Variants in TEKT1 observed in about 807,000 individuals in gnomAD.
TEKT1 encodes tektin 1.
In TEKT1, 32 loss-of-function variants were observed where a neutral mutation model predicts 34.8. That is an observed-to-expected ratio of 0.92 (90% CI 0.69 to 1.23). The LOEUF is 1.23. Ranked by LOEUF, TEKT1 falls within the 50% of genes most tolerant of loss-of-function variation. TEKT1 has a pLI of 0.00. For missense variants in TEKT1, 492 were observed against 518.5 expected (o/e 0.95, Z 0.50); for synonymous variants, 207 against 199.8 (o/e 1.04, Z -0.30).
intron 6 of TEKT1, among the ~76,000 whole-genome samples, chr17:6,804,851 G>A (rs1976823619): frequency 6.6e-6 from 1 of 152,156 alleles, no homozygotes. Flanking sequence ...TGTGCTGCTG[G>A]ATTCAGTTTG....
intron 1 of TEKT1, among the ~76,000 whole-genome samples, chr17:6,830,689 T>C (rs886971318): frequency 3.3e-5 from 5 of 152,174 alleles, no homozygotes; most frequent in Non-Finnish European, 7.3e-5. Context: ...ACAGTATGTA[T>C]TATTCTGTCT....
At chr17:6,804,789 C>G (rs2151582268) in intron 6 of TEKT1, among the ~76,000 whole-genome samples, 1 of 152,294 alleles carries the variant, frequency 6.6e-6, no homozygotes, top group African/African-American at 2.4e-5. Flanking sequence ...GTTGAACCAG[C>G]CTTGCATCCC....
chr17:6,829,517 T>C (rs1291831300), intron 2 of TEKT1, among the ~76,000 whole-genome samples: 1 of 62,390 alleles, frequency 1.6e-5, no homozygotes, highest in Non-Finnish European at 3.4e-5. Flanking sequence ...TTTTCTTTCT[T>C]TTTTTTTTTT....
At chr17:6,821,579 C>T (rs1226567776) in intron 2 of TEKT1, among the ~76,000 whole-genome samples, 1 of 152,158 alleles carries the variant, frequency 6.6e-6, no homozygotes, top group Non-Finnish European at 1.5e-5. Context: ...AAGTGAGGCA[C>T]TGCTATAAAG....
chr17:6,813,978 C>CTT (rs56277952), intron 5 of TEKT1, among the ~76,000 whole-genome samples: 1 of 151,278 alleles, frequency 6.6e-6, no homozygotes. Flanking sequence ...CTCTCTCTCT[C>CTT]GGATCACTCA....
intron 2 of TEKT1, among the ~76,000 whole-genome samples, chr17:6,828,187 G>A (rs1020650143): frequency 7.9e-5 from 12 of 152,158 alleles, no homozygotes; most frequent in East Asian, 5.8e-4. Context: ...CTTGTGATCC[G>A]CCCACGTTGG....
chr17:6,828,448 C>A (rs1347281442), intron 2 of TEKT1, among the ~76,000 whole-genome samples: 1 of 152,194 alleles, frequency 6.6e-6, no homozygotes, highest in Non-Finnish European at 1.5e-5. Context: ...TCAGCTGGCC[C>A]AGTGTTATAA....
In TEKT1 at chr17:6,815,939, A is replaced by G. The variant is rs1359990054; in HGVS notation, c.380T>C (p.Leu127Pro). The G allele has an allele frequency of 6.2e-7, 1 of 1,614,134 alleles. No homozygotes were observed. The highest frequency in any genetic ancestry group is 1.1e-5 in the South Asian group (1 of 91,076). The change falls in exon 4 of 8, where the codon CTG becomes CCG. Residue 127 changes from leucine (L) to proline (P), a missense_variant. By Grantham distance (98) the Leu-to-Pro change is moderately conservative. Transcript: ENST00000338694. ...AYREKRIGID[L>P]VHDTVEHELI... ...CTCATGCTCCACTGTGTCGTGCACC[A>G]GGTCAATGCCAATGCGCTTCTCCCT...
intron 6 of TEKT1, among the ~76,000 whole-genome samples, chr17:6,808,244 G>A (rs774822989): frequency 7.9e-5 from 12 of 152,210 alleles, no homozygotes; most frequent in African/African-American, 2.2e-4. Context: ...GCGAGGCTCC[G>A]TGGGTGTAGG....
Position 6,815,933 on chromosome 17 carries a change from T to C in TEKT1, c.386A>G (p.His129Arg). The C allele has an allele frequency of 6.2e-7, 1 of 1,614,150 alleles. No homozygotes were observed. The highest frequency in any genetic ancestry group is 1.1e-5 in the South Asian group (1 of 91,086). The change falls in exon 4 of 8, where the codon CAC becomes CGC. Residue 129 changes from histidine (H) to arginine (R), a missense_variant. Transcript: ENST00000338694. ...TATCAGCTCATGCTCCACTGTGTCGTGCACCAGGTCAATGCCAATGCGCTT... is the reference window on the plus strand; with the variant it reads ...TATCAGCTCATGCTCCACTGTGTCGCGCACCAGGTCAATGCCAATGCGCTT... ...REKRIGIDLV[H>R]DTVEHELIKE...
chr17:6,809,423 G>T (rs983540494), intron 6 of TEKT1, among the ~76,000 whole-genome samples: 1 of 152,024 alleles, frequency 6.6e-6, no homozygotes, highest in Non-Finnish European at 1.5e-5. Context: ...GTAGAGACAG[G>T]GTTTCGCTGT....
intron 6 of TEKT1, among the ~76,000 whole-genome samples, chr17:6,808,839 C>A (rs1976886526): frequency 6.6e-6 from 1 of 152,022 alleles, no homozygotes; most frequent in Non-Finnish European, 1.5e-5. Flanking sequence ...TTTACAAATA[C>A]CTTAACCATC....
At chr17:6,808,758 A>T (rs1195709470) in intron 6 of TEKT1, among the ~76,000 whole-genome samples, 2 of 152,190 alleles carry the variant, frequency 1.3e-5, no homozygotes, top group African/African-American at 4.8e-5. Flanking sequence ...AACTAAAATC[A>T]TAAGGCTAAA....
intron 4 of TEKT1, 130 bp from the exon 5 acceptor site, chr17:6,815,436 T>C (rs1976991603): frequency 9.3e-7 from 1 of 1,075,180 alleles, no homozygotes; most frequent in African/African-American, 1.5e-5. Flanking sequence ...CCCCCACCCA[T>C]CACCCCAACA....
rs771760898 is a variant in TEKT1 at position 6,798,315 on chromosome 17, G to A, written c.*1712C>T. 6.6e-6 allele frequency: 1 copy of A among 152,292 alleles called. No homozygotes were observed. The highest frequency in any genetic ancestry group is 1.5e-5 in the Non-Finnish European group (1 of 68,102). 9.4% of individuals were successfully genotyped at this position (152,292 alleles called of 1,614,324 possible). A position where few individuals can be genotyped will look rare whatever the true frequency, so the allele number is the denominator to read the frequency against. On this transcript the variant is annotated 3_prime_UTR_variant, in exon 8 of 8. Transcript: ENST00000338694. ...GGGATCTGAATCCACCACTGAGGCTGGCTGCCTCTGAGAGCTGTATTCACA... is the reference window on the plus strand; with the variant it reads ...GGGATCTGAATCCACCACTGAGGCTAGCTGCCTCTGAGAGCTGTATTCACA...
intron 3 of TEKT1, among the ~76,000 whole-genome samples, chr17:6,816,543 C>A (rs1205369767): frequency 6.6e-6 from 1 of 152,158 alleles, no homozygotes; most frequent in Non-Finnish European, 1.5e-5. Context: ...CATCCATGTC[C>A]CTGCAAAGGA....
Position 6,799,814 on chromosome 17 carries a change from T to G in TEKT1, c.*213A>C. On this transcript the variant is annotated 3_prime_UTR_variant, in exon 8 of 8. Transcript: ENST00000338694. ...CCTGTGATATTGTAAGAGTGGCCTG[T>G]GCTAAAATATGGAGTTGAATTGTTA... 4.1e-6 allele frequency: 2 copies of G among 489,268 alleles called. 1 individual carries two copies. Among genetic ancestry groups the G allele is most frequent in the South Asian group, 7.0e-5 (2 of 28,480 alleles). The allele number at this position is 489,268 out of a possible 1,614,324, so 30.3% of individuals were successfully genotyped here.
In TEKT1 at chr17:6,808,531, G is replaced by A. The variant is rs374864618; in HGVS notation, c.852+4300C>T. Among the ~76,000 whole-genome samples the A allele has an allele frequency of 2.6e-4, 40 of 152,270 alleles. No individual in the cohort carries two copies. In the East Asian group the frequency reaches 6.4e-3, roughly 24 times the overall value. ...TGAACCTGGTACCTCAGTTGGAAACGCAGAAATCACCCATCTTCTGCGTCG... is the reference window on the plus strand; with the variant it reads ...TGAACCTGGTACCTCAGTTGGAAACACAGAAATCACCCATCTTCTGCGTCG... On this transcript the variant is annotated intron_variant, in intron 6 of 7. Transcript: ENST00000338694.
intron 2 of TEKT1, among the ~76,000 whole-genome samples, chr17:6,827,020 C>A (rs1194737552): frequency 6.6e-6 from 1 of 152,114 alleles, no homozygotes; most frequent in East Asian, 1.9e-4. Flanking sequence ...ATATGAATAT[C>A]TAATTGGGCA....
Sources: gnomAD v4.1 joint callset for allele counts (sites outside exome capture counted in the v4.1 genomes callset) on GRCh38, gnomAD v4.1.1 for gene constraint, MANE v1.5 for transcripts, NCBI Gene and HGNC (gene_info 2026-07-23, HGNC 2026-07-21) for gene names.